NCF2: variants seen among roughly 807,000 people sequenced by gnomAD.
NCF2 encodes the protein neutrophil cytosol factor 2.
Under a neutral mutation model 70.9 loss-of-function variants are expected in NCF2, and 45 were observed. The observed-to-expected ratio is 0.63, with a 90% CI of 0.50 to 0.81. The LOEUF is 0.81. NCF2 is among the 40% of genes least tolerant of loss of function. The probability of loss-of-function intolerance (pLI) is 0.00; values close to 1 mark genes in which losing one functional copy is unlikely to be tolerated. For synonymous variants in NCF2, 203 were observed against 233.6 expected (o/e 0.87, Z 1.19); for missense variants, 522 against 631.6 (o/e 0.83, Z 1.86).
chr1:183,590,134 G>T, intron 1 of NCF2, 22 bp downstream of exon 1: 1 of 1,613,984 alleles, frequency 6.2e-7, no homozygotes, highest in Non-Finnish European at 8.5e-7. Flanking sequence ...GAGGAGGCCC[G>T]GAAAGAGGCA....
upstream of NCF2, chr1:183,590,853 AC>A (rs1572182384): frequency 1.2e-5 from 2 of 172,842 alleles, no homozygotes; most frequent in East Asian, 3.2e-4. Flanking sequence ...CAAGCCAAAA[AC>A]AGCCTGAAGG....
At chr1:183,600,058 C>T in the NCF2 span, among the ~76,000 whole-genome samples, 2 of 152,170 alleles carry the variant, frequency 1.3e-5, no homozygotes, top group East Asian at 1.9e-4. Flanking sequence ...ACAAATAGCT[C>T]AAAGTTTGGA....
At chr1:183,581,261 G>A (rs531672469) in intron 2 of NCF2, among the ~76,000 whole-genome samples, 3 of 110,186 alleles carry the variant, frequency 2.7e-5, no homozygotes, top group East Asian at 6.9e-4. Flanking sequence ...CAGCCTGGAC[G>A]ACAGAATGAA....
At chr1:183,575,257 G>A (rs563789229) in intron 3 of NCF2, among the ~76,000 whole-genome samples, 1 of 152,232 alleles carries the variant, frequency 6.6e-6, no homozygotes, top group African/African-American at 2.4e-5. Context: ...ATCACTTGAG[G>A]TCAGGAGTTT....
At chr1:183,563,976 C>T (rs965446233) in intron 11 of NCF2, 29 bp downstream of exon 11, 3 of 1,592,530 alleles carry the variant, frequency 1.9e-6, no homozygotes, top group Non-Finnish European at 2.6e-6. Flanking sequence ...TCTTCTACCA[C>T]TTGAAACAGT....
At chr1:183,584,805 T>C (rs1302423876) in intron 2 of NCF2, among the ~76,000 whole-genome samples, 1 of 152,102 alleles carries the variant, frequency 6.6e-6, no homozygotes, top group African/African-American at 2.4e-5. Flanking sequence ...AAGACGTCGG[T>C]CAAGATAAAC....
At chr1:183,594,348 G>T (rs375522193), upstream of NCF2, among the ~76,000 whole-genome samples, 6 of 152,334 alleles carry the variant, frequency 3.9e-5, no homozygotes, top group East Asian at 9.6e-4. Context: ...TTCAAAGGCT[G>T]CAGTGAGTGA....
In NCF2 at chr1:183,563,999, T is replaced by C. The variant is rs1672195312; in HGVS notation, c.1026+6A>G. On this transcript the variant is annotated splice_donor_region_variant and intron_variant, in intron 11 of 14. Coordinates refer to ENST00000367535, the MANE Select transcript of NCF2 (RefSeq NM_000433.4). ...CACTTGAAACAGTATGAGGGAAAAA[T>C]GTTACCTTAGGCTCTTCTTTTTGTT... is the stretch of plus-strand genomic sequence containing the variant. 6.2e-7 allele frequency: 1 copy of C among 1,608,006 alleles called. No homozygotes were observed. The highest frequency in any genetic ancestry group is 8.5e-7 in the Non-Finnish European group (1 of 1,174,478).
chr1:183,590,262 T>A lies in NCF2; in HGVS notation c.68A>T (p.Lys23Met), dbSNP rs767533151. Residue 23 changes from lysine (K) to methionine (M), a missense_variant, in exon 1 of 15, where the codon AAG becomes ATG. By Grantham distance (95) the Lys-to-Met change is moderately conservative. Coordinates refer to ENST00000367535, the MANE Select transcript of NCF2 (RefSeq NM_000433.4). Reference sequence around the variant, plus strand: ...GGCACTGAAGGCATCCAGGGCTCCCTTCCAGTCCTTCTTGTCCGCTGCCAG... The same window carrying A: ...GGCACTGAAGGCATCCAGGGCTCCCATCCAGTCCTTCTTGTCCGCTGCCAG... ...GVLAADKKDW[K>M]GALDAFSAVQ... 5.6e-6 allele frequency: 9 copies of A among 1,614,056 alleles called. No individual in the cohort carries two copies. In the African/African-American group the frequency reaches 1.1e-4, roughly 19 times the overall value.
At chr1:183,575,251 C>G (rs1201855264) in intron 3 of NCF2, among the ~76,000 whole-genome samples, 1 of 152,208 alleles carries the variant, frequency 6.6e-6, no homozygotes, top group Non-Finnish European at 1.5e-5. Context: ...GGGTGAATCA[C>G]TTGAGGTCAG....
intron 9 of NCF2, 44 bp downstream of exon 9, chr1:183,566,876 C>G (rs35146388): frequency 1.4e-5 from 23 of 1,610,634 alleles, no homozygotes; most frequent in Non-Finnish European, 2.0e-5. Context: ...GGAGAGATCC[C>G]TAAAGGGTGA....
chr1:183,573,938 A>C (rs1672683273), intron 4 of NCF2, among the ~76,000 whole-genome samples: 1 of 152,118 alleles, frequency 6.6e-6, no homozygotes, highest in African/African-American at 2.4e-5. Context: ...AAAAATACAA[A>C]AATTAGCCAG....
At chr1:183,562,353 G>A (rs1209410750) in intron 13 of NCF2, among the ~76,000 whole-genome samples, 2 of 152,028 alleles carry the variant, frequency 1.3e-5, no homozygotes, top group Non-Finnish European at 2.9e-5. Flanking sequence ...GGAAAACCTA[G>A]AGTGACTTTT....
chr1:183,599,456 T>TTC, the NCF2 span, among the ~76,000 whole-genome samples: 1 of 137,480 alleles, frequency 7.3e-6, no homozygotes, highest in African/African-American at 2.8e-5. Flanking sequence ...CTTTCTTTCT[T>TTC]TCTTTCTTTC....
rs1673260601 is a variant in NCF2 at position 183,584,715 on chromosome 1, C to T, written c.257+2180G>A. On this transcript the variant is annotated intron_variant, in intron 2 of 14. Coordinates refer to ENST00000367535, the MANE Select transcript of NCF2 (RefSeq NM_000433.4). The stretch of plus-strand genomic sequence containing the variant: ...AAGGATTTGTTGTTAGGCCTCCCTG[C>T]ATATTCTATAGTCTGGAGACGGGGT... Among the ~76,000 whole-genome samples, 5 of 152,230 alleles carry T rather than the reference C, an allele frequency of 3.3e-5. No homozygotes were observed. The South Asian group carries it at 1.0e-3, about 32-fold the overall frequency.
rs972978696 is a variant in NCF2, at chr1:183,566,355, AGCAGTG to A, written c.924+559_924+564del. ...AGGGAGGGAGTAGCAGCAGTTTAGA[AGCAGTG>A]GCTGGCAAGGCCCACTCTGATTCAA... On this transcript the variant is annotated intron_variant, in intron 9 of 14. Coordinates refer to ENST00000367535, the MANE Select transcript of NCF2 (RefSeq NM_000433.4). Among the ~76,000 whole-genome samples the A allele has an allele frequency of 9.8e-5, 15 of 152,326 alleles. 1 individual carries two copies. The highest frequency in any genetic ancestry group is 3.4e-3 in the Middle Eastern group (1 of 294).
chr1:183,598,930 C>T, the NCF2 span, among the ~76,000 whole-genome samples: 1 of 152,198 alleles, frequency 6.6e-6, no homozygotes, highest in Non-Finnish European at 1.5e-5. Flanking sequence ...GTCCAGTCTT[C>T]TAAAAGCTGT....
At chr1:183,590,616 G>C, upstream of NCF2, 3 of 476,276 alleles carry the variant, frequency 6.3e-6, no homozygotes, top group South Asian at 6.2e-5. Flanking sequence ...GAGGAGAGAG[G>C]AAGTACATCA....
chr1:183,561,884 G>C (rs542832503), intron 13 of NCF2, among the ~76,000 whole-genome samples: 4 of 134,984 alleles, frequency 3.0e-5, no homozygotes, highest in Non-Finnish European at 6.1e-5. Flanking sequence ...TGTAACCTCC[G>C]CCTCCTGGGT....
Sources: allele counts gnomAD v4.1 joint callset (sites outside exome capture counted in the v4.1 genomes callset), GRCh38; gene constraint gnomAD v4.1.1; transcripts MANE v1.5; gene names NCBI Gene and HGNC (gene_info 2026-07-23, HGNC 2026-07-21).